DHRSX: variants seen among roughly 807,000 people sequenced by gnomAD.
The protein encoded by DHRSX is dehydrogenase/reductase X-linked.
In DHRSX, 31 loss-of-function variants were observed where a neutral mutation model predicts 34.0. That is an observed-to-expected ratio of 0.91 (90% CI 0.69 to 1.23). The LOEUF is 1.23. Ranked by LOEUF, DHRSX falls within the 50% of genes most tolerant of loss-of-function variation. The pLI is 0.00. For synonymous variants in DHRSX, 201 were observed against 183.8 expected, an observed-to-expected ratio of 1.09 and a Z score of -0.76; for missense variants, 414 against 428.1, an observed-to-expected ratio of 0.97 and a Z score of 0.29.
At chrX:2,265,583 C>T (rs760105896) in intron 5 of DHRSX, among the ~76,000 whole-genome samples, 7 of 126,782 alleles carry the variant, frequency 5.5e-5, no homozygotes, top group Non-Finnish European at 6.8e-5. Context: ...GGAGCACTGT[C>T]CCCAGAGCAC....
intron 3 of DHRSX, among the ~76,000 whole-genome samples, chrX:2,343,555 G>T (rs187262322): frequency 6.6e-6 from 1 of 152,246 alleles, no homozygotes; most frequent in Admixed American, 6.5e-5. Flanking sequence ...AAAGAACAGG[G>T]CTTCAGCAGC....
At chrX:2,330,664 A>G (rs866595432) in intron 3 of DHRSX, among the ~76,000 whole-genome samples, 1 of 130,656 alleles carries the variant, frequency 7.7e-6, no homozygotes, top group African/African-American at 3.4e-5. Context: ...GATGAAGGAG[A>G]AGAAGGAGAA....
At chrX:2,417,235 A>T (rs1450648765) in intron 2 of DHRSX, among the ~76,000 whole-genome samples, 1 of 152,214 alleles carries the variant, frequency 6.6e-6, no homozygotes, top group Non-Finnish European at 1.5e-5. Flanking sequence ...CTCAGTAAAC[A>T]TCATCTAAAT....
chrX:2,419,979 TA>T (rs910250230), intron 2 of DHRSX, among the ~76,000 whole-genome samples: 20 of 151,614 alleles, frequency 1.3e-4, no homozygotes, highest in Middle Eastern at 3.4e-3. Flanking sequence ...AATAAAATTT[TA>T]AAAAAAAAGT....
rs139113009 is a variant in DHRSX at position 2,471,512 on chromosome X, C to T, written c.109+29305G>A. 6.7e-3 allele frequency among the ~76,000 whole-genome samples: 1,019 copies of T among 151,002 alleles called. 18 individuals carry two copies. The highest frequency in any genetic ancestry group is 0.023 in the African/African-American group (933 of 40,990). Reference sequence around the variant, plus strand: ...CCGGGAGATGTTGGCTGCAGTGAGCCGAGATTGAGCCATTGCACTGCAGCC... The same window carrying T: ...CCGGGAGATGTTGGCTGCAGTGAGCTGAGATTGAGCCATTGCACTGCAGCC... On this transcript the variant is annotated intron_variant, in intron 1 of 6. Coordinates refer to ENST00000334651, the MANE Select transcript of DHRSX (RefSeq NM_145177.3).
intron 2 of DHRSX, among the ~76,000 whole-genome samples, chrX:2,415,385 T>C (rs1055918742): frequency 2.0e-5 from 3 of 151,608 alleles, no homozygotes; most frequent in Admixed American, 2.0e-4. Context: ...CTATAACTCA[T>C]CATGATCTAG....
intron 5 of DHRSX, among the ~76,000 whole-genome samples, chrX:2,257,926 CGGAGATGG>C (rs997571835): frequency 1.3e-5 from 2 of 152,132 alleles, no homozygotes; most frequent in African/African-American, 2.4e-5. Flanking sequence ...CATGCCCGGC[CGGAGATGG>C]GGTCTTTAAA....
intron 3 of DHRSX, among the ~76,000 whole-genome samples, chrX:2,357,176 G>A (rs1472838387): frequency 6.6e-6 from 1 of 152,020 alleles, no homozygotes; most frequent in East Asian, 1.9e-4. Context: ...CCCAGGAGGC[G>A]GAGATTGCAG....
At chrX:2,464,184 T>C (rs776868944) in intron 1 of DHRSX, among the ~76,000 whole-genome samples, 2 of 121,174 alleles carry the variant, frequency 1.7e-5, no homozygotes, top group South Asian at 5.4e-4. Flanking sequence ...AGACGTTTCC[T>C]AGGCATGTGG....
rs754333151 is a variant in DHRSX, at chrX:2,242,977, G to GC, written c.804+45dup. ...TGGACTGGGGACCCCCTTTCCTGTA[G>GC]CATCTTCAGGTGCAGCCGTGAATCA... On this transcript the variant is annotated intron_variant, in intron 6 of 6. Coordinates refer to ENST00000334651, the MANE Select transcript of DHRSX (RefSeq NM_145177.3). 5.1e-6 allele frequency: 8 copies of GC among 1,581,436 alleles called. No individual in the cohort carries two copies. The Admixed American group carries it at 1.4e-4, about 28-fold the overall frequency.
chrX:2,346,790 C>T (rs1025807246), intron 3 of DHRSX, among the ~76,000 whole-genome samples: 2 of 151,998 alleles, frequency 1.3e-5, no homozygotes, highest in South Asian at 4.2e-4. Context: ...CTAATGCTAT[C>T]CCTCCCCCAG....
chrX:2,414,427 A>G (rs1603067230), intron 2 of DHRSX, among the ~76,000 whole-genome samples: 2 of 151,790 alleles, frequency 1.3e-5, no homozygotes, highest in African/African-American at 4.8e-5. Flanking sequence ...CCCTAACCCA[A>G]CTAGAACTCA....
At chrX:2,451,802 T>C (rs1029582388) in intron 1 of DHRSX, among the ~76,000 whole-genome samples, 2 of 152,178 alleles carry the variant, frequency 1.3e-5, no homozygotes, top group Admixed American at 6.5e-5. Flanking sequence ...ACCGCCACTG[T>C]GTATGAACTG....
intron 3 of DHRSX, among the ~76,000 whole-genome samples, chrX:2,340,854 C>T (rs986896195): frequency 2.6e-5 from 4 of 151,942 alleles, no homozygotes; most frequent in African/African-American, 4.8e-5. Context: ...TACCAGCCAA[C>T]GAGCTGGTGT....
At chrX:2,321,143 T>G (rs1268106091) in intron 3 of DHRSX, among the ~76,000 whole-genome samples, 1 of 152,148 alleles carries the variant, frequency 6.6e-6, no homozygotes, top group Non-Finnish European at 1.5e-5. Context: ...TATATCTTCA[T>G]GCCGAGGGGA....
chrX:2,399,871 A>C (rs978980895), intron 3 of DHRSX, among the ~76,000 whole-genome samples: 6 of 152,058 alleles, frequency 3.9e-5, no homozygotes, highest in African/African-American at 1.4e-4. Context: ...CGTCTCTAGA[A>C]AAAATTTAAA....
At chrX:2,329,727 T>C (rs1287703887) in intron 3 of DHRSX, among the ~76,000 whole-genome samples, 1 of 152,066 alleles carries the variant, frequency 6.6e-6, no homozygotes, top group Non-Finnish European at 1.5e-5. Context: ...CGAAGGACAT[T>C]AGTATGACCT....
chrX:2,393,895 C>G (rs1212790291), intron 3 of DHRSX, among the ~76,000 whole-genome samples: 1 of 149,580 alleles, frequency 6.7e-6, no homozygotes, highest in Non-Finnish European at 1.5e-5. Flanking sequence ...AGGGACCTCC[C>G]TGTCTCCTGC....
chrX:2,358,733 A>T (rs2042889082), intron 3 of DHRSX, among the ~76,000 whole-genome samples: 1 of 152,316 alleles, frequency 6.6e-6, no homozygotes, highest in African/African-American at 2.4e-5. Flanking sequence ...TTCCTTAGTT[A>T]GTAAATGGCG....
Sources: gnomAD v4.1 joint callset for allele counts (sites outside exome capture counted in the v4.1 genomes callset) on GRCh38, gnomAD v4.1.1 for gene constraint, MANE v1.5 for transcripts, NCBI Gene and HGNC (gene_info 2026-07-23, HGNC 2026-07-21) for gene names.